STS: variants seen among roughly 807,000 people sequenced by gnomAD.
STS encodes steroid sulfatase, also known as steryl-sulfatase.
A neutral mutation model predicts 26.8 loss-of-function variants in STS; 7 were observed. The observed-to-expected ratio is 0.26, with a 90% CI of 0.15 to 0.49. STS has a LOEUF of 0.49. Ranked by LOEUF, STS falls within the 20% of genes least tolerant of loss-of-function variation. The probability of loss-of-function intolerance (pLI) is 0.98; values close to 1 mark genes in which losing one functional copy is unlikely to be tolerated. For missense variants in STS, 434 were observed against 465.6 expected (o/e 0.93, Z 0.63); for synonymous variants, 199 against 189.4 (o/e 1.05, Z -0.42).
chrX:7,283,042 C>T (rs1315511656), intron 7 of STS, among the ~76,000 whole-genome samples: 1 of 112,270 alleles, frequency 8.9e-6, no homozygotes, highest in Non-Finnish European at 1.9e-5. Context: ...AACAAAAGCC[C>T]ATGTTCTATT....
At chrX:7,257,942 T>C (rs536126824) in intron 5 of STS, among the ~76,000 whole-genome samples, 1 of 109,945 alleles carries the variant, frequency 9.1e-6, no homozygotes, top group South Asian at 3.8e-4. Context: ...GATAGATAGA[T>C]AATAGGTAGA....
chrX:7,169,302 C>G (rs537112219), intron 1 of STS, among the ~76,000 whole-genome samples: 1 of 112,332 alleles, frequency 8.9e-6, no homozygotes, highest in African/African-American at 3.2e-5. Context: ...TCTGACCTTT[C>G]TTTTCCCATC....
chrX:7,166,292 G>A (rs2146993528), intron 1 of STS, among the ~76,000 whole-genome samples: 1 of 111,441 alleles, frequency 9.0e-6, no homozygotes, highest in South Asian at 3.9e-4. Context: ...ACAGGCATAA[G>A]CCATCCTGTC....
intron 2 of STS, among the ~76,000 whole-genome samples, chrX:7,215,232 T>A (rs1921261200): frequency 9.4e-6 from 1 of 106,113 alleles, no homozygotes; most frequent in Non-Finnish European, 1.9e-5. Context: ...AATTGCTAAT[T>A]GTGTTGCTGT....
At chrX:7,152,507 C>T (rs1302325933) in intron 1 of STS, among the ~76,000 whole-genome samples, 1 of 111,189 alleles carries the variant, frequency 9.0e-6, no homozygotes, top group East Asian at 2.8e-4. Flanking sequence ...TTAGTGGAGA[C>T]GGGGTTTCAC....
intron 2 of STS, among the ~76,000 whole-genome samples, chrX:7,212,153 G>T (rs1242334628): frequency 2.7e-5 from 3 of 111,956 alleles, no homozygotes; most frequent in African/African-American, 9.7e-5. Flanking sequence ...AGAAGGGGAT[G>T]TGGTTATTAA....
chrX:7,237,154 A>G (rs755695558), intron 2 of STS, among the ~76,000 whole-genome samples: 3 of 108,323 alleles, frequency 2.8e-5, no homozygotes. Context: ...AGGACTATCT[A>G]TCTTTTAACT....
intron 2 of STS, among the ~76,000 whole-genome samples, chrX:7,250,713 A>G (rs1176262086): frequency 8.9e-6 from 1 of 112,665 alleles, no homozygotes; most frequent in Non-Finnish European, 1.9e-5. Context: ...GTTAAATTCA[A>G]GATACCAGAT....
intron 2 of STS, among the ~76,000 whole-genome samples, chrX:7,228,735 C>G (rs1921927156): frequency 1.8e-5 from 2 of 112,057 alleles, no homozygotes; most frequent in Admixed American, 1.9e-4. Flanking sequence ...CGTAGTCCCA[C>G]TTGTCTGTTT....
chrX:7,176,495 T>A, intron 1 of STS, among the ~76,000 whole-genome samples: 1 of 111,977 alleles, frequency 8.9e-6, no homozygotes, highest in Non-Finnish European at 1.9e-5. Flanking sequence ...TGTGTATCTC[T>A]ACAAGTAGGT....
chrX:7,211,947 T>A (rs1194628014), intron 2 of STS, among the ~76,000 whole-genome samples: 2 of 112,213 alleles, frequency 1.8e-5, no homozygotes, highest in East Asian at 5.6e-4. Flanking sequence ...CTGCATTTCC[T>A]TCCTCCTCCC....
chrX:7,241,764 A>G (rs1259695863), intron 2 of STS, among the ~76,000 whole-genome samples: 1 of 111,990 alleles, frequency 8.9e-6, no homozygotes, highest in African/African-American at 3.2e-5. Flanking sequence ...AAATCTGGGC[A>G]CAGCTTAGCT....
chrX:7,273,832 T>A (rs1924402361), intron 6 of STS, among the ~76,000 whole-genome samples: 2 of 111,276 alleles, frequency 1.8e-5, no homozygotes, highest in Admixed American at 1.9e-4. Flanking sequence ...ATTCTCTCAT[T>A]TGTTTGGCAA....
intron 10 of STS, among the ~76,000 whole-genome samples, chrX:7,340,655 C>CA (rs1365081309): frequency 2.7e-5 from 3 of 111,199 alleles, no homozygotes; most frequent in African/African-American, 9.8e-5. Context: ...TTGGCTGTAA[C>CA]AAAAAACAAT....
At chrX:7,301,228 G>A (rs1925949515) in intron 7 of STS, among the ~76,000 whole-genome samples, 1 of 36,269 alleles carries the variant, frequency 2.8e-5, no homozygotes, top group Admixed American at 1.8e-4. Context: ...TCTCTACAAC[G>A]AATACAAAAA....
In STS at chrX:7,325,433, C is replaced by T. The variant is rs549401984; in HGVS notation, c.1176C>T (p.Pro392=). ...VIQAGQKIDE[P]TSNMDIFPTV... ...AGGCTGGCCAGAAGATTGATGAGCCCACTAGCAACATGGACATATTTCCTA... is the reference window on the plus strand; with the variant it reads ...AGGCTGGCCAGAAGATTGATGAGCCTACTAGCAACATGGACATATTTCCTA... The change falls in exon 9 of 11, where the codon CCC becomes CCT. Residue 392 remains proline (P), a synonymous_variant. Transcript: ENST00000674429. The T allele has an allele frequency of 2.5e-6, 3 of 1,209,479 alleles. No homozygotes were observed. Among genetic ancestry groups the T allele is most frequent in the Middle Eastern group, 2.3e-4 (1 of 4,347 alleles).
intron 1 of STS, among the ~76,000 whole-genome samples, chrX:7,170,594 T>C (rs1933447509): frequency 9.1e-6 from 1 of 110,106 alleles, no homozygotes; most frequent in African/African-American, 3.3e-5. Context: ...TGCCCCACCA[T>C]GCCCATTTAA....
chrX:7,334,143 C>T lies in STS; in HGVS notation c.1363+36C>T, dbSNP rs752864305. On this transcript the variant is annotated intron_variant, in intron 10 of 10. Transcript: ENST00000674429. ...AGACCTTTCCACGCTCCTCATGCTC[C>T]GTGCAACCTATGCCATGGGAATAGA... 56 of 1,208,768 alleles carry T rather than the reference C, an allele frequency of 4.6e-5. 1 individual carries two copies. The highest frequency in any genetic ancestry group is 4.4e-4 in the South Asian group (25 of 56,772).
chrX:7,321,046 G>C (rs1310325284), intron 8 of STS, among the ~76,000 whole-genome samples: 1 of 111,583 alleles, frequency 9.0e-6, no homozygotes, highest in Non-Finnish European at 1.9e-5. Context: ...CAGTGGACTA[G>C]ATAAAGAAAA....
Sources: allele counts gnomAD v4.1 joint callset (sites outside exome capture counted in the v4.1 genomes callset), GRCh38; gene constraint gnomAD v4.1.1; transcripts MANE v1.5; gene names NCBI Gene and HGNC (gene_info 2026-07-23, HGNC 2026-07-21).